The following GPHN variants were observed in gnomAD, a reference collection of about 807,000 sequenced individuals.
The protein encoded by GPHN is gephyrin.
A neutral mutation model predicts 95.5 loss-of-function variants in GPHN; 17 were observed. The ratio of observed to expected loss-of-function variants is 0.18; its 90% CI spans 0.12 to 0.27. The LOEUF is 0.27. Ranked by LOEUF, GPHN falls within the 10% of genes least tolerant of loss-of-function variation. The probability of loss-of-function intolerance (pLI) is 1.00; values close to 1 mark genes in which losing one functional copy is unlikely to be tolerated. For missense variants in GPHN, 660 were observed against 978.1 expected (o/e 0.67, Z 4.34); for synonymous variants, 320 against 322.5 (o/e 0.99, Z 0.08).
chr14:67,715,426 A>G, the GPHN span, among the ~76,000 whole-genome samples: 3 of 152,202 alleles, frequency 2.0e-5, no homozygotes, highest in Non-Finnish European at 2.9e-5. Context: ...CCTTGTCCTG[A>G]TGTTGGATGC....
intron 16 of GPHN, among the ~76,000 whole-genome samples, chr14:67,120,531 C>T (rs1478386574): frequency 6.6e-6 from 1 of 151,632 alleles, no homozygotes; most frequent in Non-Finnish European, 1.5e-5. Flanking sequence ...GAACTGTTTG[C>T]AGCAAAATAA....
Position 67,167,550 on chromosome 14 carries a change from T to G in GPHN, c.1976-1383T>G, listed in dbSNP as rs566043508. Among the ~76,000 whole-genome samples the G allele has an allele frequency of 5.3e-5, 8 of 152,326 alleles. No individual in the cohort carries two copies. In the South Asian group the frequency reaches 1.7e-3, roughly 32 times the overall value. ...TAAAAAATCTATTCTTAAGCACTTTTGCAGGTAGAAGAGAATTGGAGGTAT... is the reference window on the plus strand; with the variant it reads ...TAAAAAATCTATTCTTAAGCACTTTGGCAGGTAGAAGAGAATTGGAGGTAT... On this transcript the variant is annotated intron_variant, in intron 20 of 22. Coordinates refer to ENST00000478722, the MANE Select transcript of GPHN (RefSeq NM_020806.5).
At chr14:67,214,269 G>T in the GPHN span, among the ~76,000 whole-genome samples, 7 of 152,212 alleles carry the variant, frequency 4.6e-5, no homozygotes, top group East Asian at 1.3e-3. Flanking sequence ...GTATTGCCTA[G>T]GTTTTCTTTT....
chr14:67,129,747 A>G (rs951339240), intron 17 of GPHN, among the ~76,000 whole-genome samples: 2 of 146,932 alleles, frequency 1.4e-5, no homozygotes, highest in African/African-American at 5.1e-5. Context: ...GGTTGGCAGC[A>G]TCATTGACTA....
At chr14:66,847,769 G>A (rs2062397410) in intron 4 of GPHN, among the ~76,000 whole-genome samples, 1 of 152,014 alleles carries the variant, frequency 6.6e-6, no homozygotes. Flanking sequence ...AAACTTTTGT[G>A]AAGTTTCACT....
At chr14:66,830,204 A>T (rs2061534978) in intron 4 of GPHN, among the ~76,000 whole-genome samples, 1 of 151,912 alleles carries the variant, frequency 6.6e-6, no homozygotes, top group Non-Finnish European at 1.5e-5. Flanking sequence ...ACATTTTTTT[A>T]TTTTCTCACT....
At chr14:67,260,113 A>G in the GPHN span, among the ~76,000 whole-genome samples, 3 of 152,210 alleles carry the variant, frequency 2.0e-5, no homozygotes, top group Non-Finnish European at 4.4e-5. Flanking sequence ...GCATCTCTCT[A>G]ATAAGTGATA....
chr14:67,467,945 G>C, the GPHN span: 2 of 152,088 alleles, frequency 1.3e-5, no homozygotes, highest in African/African-American at 4.8e-5. Context: ...TGGCAGTCTT[G>C]AGGCTAGCCT....
At chr14:66,745,181 A>T (rs1288992757) in intron 2 of GPHN, among the ~76,000 whole-genome samples, 1 of 151,980 alleles carries the variant, frequency 6.6e-6, no homozygotes, top group Non-Finnish European at 1.5e-5. Flanking sequence ...TATTTTGAAA[A>T]CTTTCAAACT....
chr14:67,548,987 TTA>T, the GPHN span, among the ~76,000 whole-genome samples: 1 of 152,194 alleles, frequency 6.6e-6, no homozygotes, highest in South Asian at 2.1e-4. Flanking sequence ...CTCATATGGA[TTA>T]TACAGAGGCA....
chr14:66,602,432 A>G (rs992276813), intron 1 of GPHN, among the ~76,000 whole-genome samples: 1 of 151,976 alleles, frequency 6.6e-6, no homozygotes, highest in African/African-American at 2.4e-5. Flanking sequence ...TCAAGAATAT[A>G]TTTCCTCATT....
intron 8 of GPHN, among the ~76,000 whole-genome samples, chr14:66,924,972 G>A (rs904179763): frequency 6.6e-5 from 10 of 151,970 alleles, no homozygotes; most frequent in African/African-American, 2.4e-4. Context: ...TCCCTAATAT[G>A]GATGTAAAAT....
At chr14:66,725,680 T>C (rs2071168367) in intron 2 of GPHN, among the ~76,000 whole-genome samples, 2 of 152,180 alleles carry the variant, frequency 1.3e-5, no homozygotes, top group South Asian at 4.1e-4. Context: ...GACAGGGTTT[T>C]ACCATGTTGG....
At position 66,582,420 on chromosome 14, in the gene GPHN, C is replaced by G. The variant is rs1595073936; in HGVS notation, c.64+73829C>G. Among the ~76,000 whole-genome samples the G allele has an allele frequency of 2.0e-5, 3 of 151,972 alleles. No homozygotes were observed. The East Asian group carries it at 5.8e-4, about 29-fold the overall frequency. Reference sequence around the variant, plus strand: ...TTATTTTACTTTAAGTTTTAGGGTACATGTGCACAATGTGCAGGTTTGTGA... The same window carrying G: ...TTATTTTACTTTAAGTTTTAGGGTAGATGTGCACAATGTGCAGGTTTGTGA... On this transcript the variant is annotated intron_variant, in intron 1 of 22. Transcript: ENST00000478722.
chr14:67,477,351 G>A, the GPHN span, among the ~76,000 whole-genome samples: 6 of 152,108 alleles, frequency 3.9e-5, no homozygotes, highest in East Asian at 1.9e-4. Context: ...TCTGTTAGGC[G>A]TGCCTTTCTC....
At chr14:67,353,207 T>C in the GPHN span, among the ~76,000 whole-genome samples, 6 of 152,370 alleles carry the variant, frequency 3.9e-5, no homozygotes, top group African/African-American at 1.4e-4. Context: ...GGTTTGAATA[T>C]GTCCCTAATC....
At chr14:67,192,785 T>C in the GPHN span, among the ~76,000 whole-genome samples, 1 of 148,186 alleles carries the variant, frequency 6.7e-6, no homozygotes, top group South Asian at 2.1e-4. Context: ...TACATATATA[T>C]GTATGTGTGT....
At chr14:66,515,162 A>T (rs984901038) in intron 1 of GPHN, among the ~76,000 whole-genome samples, 1 of 152,132 alleles carries the variant, frequency 6.6e-6, no homozygotes, top group Non-Finnish European at 1.5e-5. Context: ...TCGTGTATAC[A>T]TGTCTTATTC....
chr14:66,661,034 C>T (rs902280291), intron 1 of GPHN, among the ~76,000 whole-genome samples: 10 of 152,130 alleles, frequency 6.6e-5, no homozygotes, highest in South Asian at 2.1e-4. Context: ...CATGGAGACC[C>T]GGGAACTTTA....
Sources: gnomAD v4.1 joint callset for allele counts (sites outside exome capture counted in the v4.1 genomes callset) on GRCh38, gnomAD v4.1.1 for gene constraint, MANE v1.5 for transcripts, NCBI Gene and HGNC (gene_info 2026-07-23, HGNC 2026-07-21) for gene names.